The following TTC29 variants were observed in gnomAD, a reference collection of about 807,000 sequenced individuals.
The protein encoded by TTC29 is tetratricopeptide repeat protein 29.
In TTC29, 49 loss-of-function variants were observed where a neutral mutation model predicts 58.1. The ratio of observed to expected loss-of-function variants is 0.84; its 90% confidence interval spans 0.67 to 1.07. The LOEUF (loss-of-function observed/expected upper bound fraction) is 1.07, where lower values mean the gene tolerates loss of function less well. TTC29 is among the 50% of genes least tolerant of loss of function. TTC29 has a pLI of 0.00. For missense variants in TTC29, 582 were observed against 555.6 expected (o/e 1.05, Z -0.48); for synonymous variants, 209 against 196.8 (o/e 1.06, Z -0.52).
chr4:146,885,024 T>C (rs1731886674), intron 6 of TTC29, among the ~76,000 whole-genome samples: 1 of 152,046 alleles, frequency 6.6e-6, no homozygotes, highest in Admixed American at 6.6e-5. Context: ...TGTTATTATC[T>C]CATACATGAA....
At chr4:146,930,456 C>T (rs1190971293) in intron 4 of TTC29, among the ~76,000 whole-genome samples, 1 of 152,014 alleles carries the variant, frequency 6.6e-6, no homozygotes, top group Non-Finnish European at 1.5e-5. Flanking sequence ...CCTGGTGAAG[C>T]AAAAGAGTTC....
At chr4:146,759,572 T>A (rs34859503) in intron 11 of TTC29, among the ~76,000 whole-genome samples, 60,342 of 151,740 alleles carry the variant, frequency 0.4, 12,715 homozygotes, top group African/African-American at 0.51. Context: ...CAACATATCA[T>A]AAAGATAATC....
intron 8 of TTC29, among the ~76,000 whole-genome samples, chr4:146,840,449 C>G (rs1435998618): frequency 6.6e-6 from 1 of 152,024 alleles, no homozygotes; most frequent in Non-Finnish European, 1.5e-5. Flanking sequence ...TATATTTCTG[C>G]TCTTAAAGAC....
intron 4 of TTC29, among the ~76,000 whole-genome samples, chr4:146,930,084 CATATATATATATATATATATATATAT>C (rs70958534): frequency 3.9e-5 from 3 of 77,438 alleles, no homozygotes; most frequent in South Asian, 7.2e-4. Flanking sequence ...TGTGTGTGTG[CATATATATATATATATATATATATAT>C]ATATATATAC....
chr4:146,837,497 G>GT (rs1728588639), intron 8 of TTC29, among the ~76,000 whole-genome samples: 1 of 152,032 alleles, frequency 6.6e-6, no homozygotes, highest in Non-Finnish European at 1.5e-5. Flanking sequence ...GAACTTAAAA[G>GT]TTTTTTAAAA....
intron 9 of TTC29, among the ~76,000 whole-genome samples, chr4:146,830,220 A>T (rs1728068231): frequency 6.6e-6 from 1 of 152,204 alleles, no homozygotes. Flanking sequence ...TAAAGTCTTA[A>T]CCAATTAATA....
intron 4 of TTC29, among the ~76,000 whole-genome samples, chr4:146,917,055 C>A (rs1369632546): frequency 6.6e-6 from 1 of 150,898 alleles, no homozygotes; most frequent in African/African-American, 2.4e-5. Context: ...ATGATGGATT[C>A]TCTAAAACAA....
intron 8 of TTC29, 117 bp from the exon 9 acceptor site, chr4:146,834,014 T>C (rs1728346940): frequency 3.2e-6 from 2 of 629,004 alleles, no homozygotes; most frequent in African/African-American, 3.8e-5. Context: ...ATAAAAAATT[T>C]TGTTGATTAA....
chr4:146,900,051 A>C (rs1733039110), intron 6 of TTC29, among the ~76,000 whole-genome samples: 1 of 151,960 alleles, frequency 6.6e-6, no homozygotes, highest in African/African-American at 2.4e-5. Context: ...TCCCCACTCC[A>C]CTCTAGTCAC....
intron 4 of TTC29, chr4:146,934,121 G>A (rs1265918335): frequency 6.6e-6 from 1 of 152,328 alleles, no homozygotes; most frequent in Non-Finnish European, 1.5e-5. Flanking sequence ...TTTAAGCAGG[G>A]GAATGTCATG....
chr4:146,915,312 T>C (rs1734150054), intron 4 of TTC29, among the ~76,000 whole-genome samples: 1 of 152,128 alleles, frequency 6.6e-6, no homozygotes, highest in Non-Finnish European at 1.5e-5. Context: ...AATTTGATGT[T>C]ATTTGACAAT....
intron 8 of TTC29, among the ~76,000 whole-genome samples, chr4:146,839,945 G>A (rs892491072): frequency 1.3e-5 from 2 of 151,954 alleles, no homozygotes; most frequent in African/African-American, 2.4e-5. Flanking sequence ...ATTAACTCTG[G>A]CAGAGGAAGT....
intron 4 of TTC29, among the ~76,000 whole-genome samples, chr4:146,918,562 C>A (rs778905980): frequency 6.6e-6 from 1 of 151,014 alleles, no homozygotes; most frequent in Non-Finnish European, 1.5e-5. Context: ...GTTTATAAAC[C>A]AAACTATATT....
intron 10 of TTC29, among the ~76,000 whole-genome samples, chr4:146,818,696 A>T (rs1246191740): frequency 1.3e-5 from 2 of 152,210 alleles, no homozygotes; most frequent in Non-Finnish European, 2.9e-5. Flanking sequence ...AATGTCCAAC[A>T]ATGATAGACT....
rs182840981 is a variant in TTC29 at position 146,762,250 on chromosome 4, A to G, written c.1330+41207T>C. Among the ~76,000 whole-genome samples, 9 of 152,054 alleles carry G rather than the reference A, an allele frequency of 5.9e-5. No individual in the cohort carries two copies. The East Asian group carries it at 1.7e-3, about 29-fold the overall frequency. ...TGTGTGTCAGGCTGGCCTGATTCCC[A>G]GGGCCTGAATATGTGAATTTAATGG... On this transcript the variant is annotated intron_variant, in intron 11 of 12. Transcript: ENST00000325106.
rs1307446645 is a variant in TTC29 at position 146,728,658 on chromosome 4, C to CTA, written c.1331-21108_1331-21107insTA. Reference sequence around the variant, plus strand: ...CTTTTACTACTACTACTCTCTCTCTCTCTATATATATACACATATATGATT... The same window carrying CTA: ...CTTTTACTACTACTACTCTCTCTCTCTATCTATATATATACACATATATGATT... On this transcript the variant is annotated intron_variant, in intron 11 of 12. Transcript: ENST00000325106. 4.3e-3 allele frequency among the ~76,000 whole-genome samples: 637 copies of CTA among 147,720 alleles called. 6 individuals are homozygous for CTA. Among genetic ancestry groups the CTA allele is most frequent in the Admixed American group, 0.033 (482 of 14,586 alleles).
chr4:146,790,917 T>C (rs916891934), intron 11 of TTC29, among the ~76,000 whole-genome samples: 1 of 152,252 alleles, frequency 6.6e-6, no homozygotes, highest in African/African-American at 2.4e-5. Flanking sequence ...TTTTTGTTGT[T>C]ACATAGCTTT....
At chr4:146,754,044 T>G (rs1366025854) in intron 11 of TTC29, among the ~76,000 whole-genome samples, 1 of 151,552 alleles carries the variant, frequency 6.6e-6, no homozygotes, top group East Asian at 1.9e-4. Context: ...CCCTAAAACT[T>G]AAAGTATAAT....
At chr4:146,786,595 G>A (rs575406877) in intron 11 of TTC29, among the ~76,000 whole-genome samples, 32 of 152,236 alleles carry the variant, frequency 2.1e-4, no homozygotes, top group Admixed American at 2.6e-4. Flanking sequence ...CTCCGAAATC[G>A]TAATTGGTTC....
Sources: allele counts gnomAD v4.1 joint callset (sites outside exome capture counted in the v4.1 genomes callset), GRCh38; gene constraint gnomAD v4.1.1; transcripts MANE v1.5; gene names NCBI Gene and HGNC (gene_info 2026-07-23, HGNC 2026-07-21).